ITGA9: variants seen among roughly 807,000 people sequenced by gnomAD.
ITGA9 encodes the protein integrin subunit alpha 9.
ITGA9 carries 56 observed loss-of-function variants against 127.8 expected under a neutral mutation model. That is an observed-to-expected ratio of 0.44 (90% CI 0.35 to 0.55). ITGA9 has a LOEUF of 0.55. ITGA9 is among the 20% of genes least tolerant of loss of function. The pLI, the probability that ITGA9 is intolerant of heterozygous loss-of-function variation, is 0.00. For missense variants in ITGA9, 1,196 were observed against 1,347.1 expected (o/e 0.89, Z 1.76); for synonymous variants, 508 against 514.5 (o/e 0.99, Z 0.17).
Position 37,629,345 on chromosome 3 carries a change from C to T in ITGA9, c.1839+9C>T. 1 of 1,613,888 alleles carries T rather than the reference C, an allele frequency of 6.2e-7. No individual in the cohort carries two copies. The highest frequency in any genetic ancestry group is 8.5e-7 in the Non-Finnish European group (1 of 1,179,944). ...TTGCCCAAAAGAATCAGGTCAGAAC[C>T]TTAAAGCTCATACTCAGCACCCAAG... On this transcript the variant is annotated intron_variant, in intron 16 of 27. Coordinates refer to ENST00000264741, the MANE Select transcript of ITGA9 (RefSeq NM_002207.3). This position sits in a 1 kb window ranked among gnomAD's most constrained non-coding sequence, Gnocchi z 4.5.
At chr3:37,636,111 T>C (rs1324216365) in intron 16 of ITGA9, among the ~76,000 whole-genome samples, 1 of 152,112 alleles carries the variant, frequency 6.6e-6, no homozygotes, top group Admixed American at 6.5e-5. Flanking sequence ...TGTGTCTTTA[T>C]AGCAGCATGA....
Position 37,777,524 on chromosome 3 carries a change from A to T in ITGA9, c.2667+7A>T, listed in dbSNP as rs1696923117. 12 of 1,614,058 alleles carry T rather than the reference A, an allele frequency of 7.4e-6. No homozygotes were observed. Among genetic ancestry groups the T allele is most frequent in the Non-Finnish European group, 1.0e-5 (12 of 1,179,976 alleles). On this transcript the variant is annotated splice_region_variant and intron_variant, in intron 24 of 27. Coordinates refer to ENST00000264741, the MANE Select transcript of ITGA9 (RefSeq NM_002207.3). ...GTCTGGAAGAAAAGTCTTGGTAAGG[A>T]TTTGTTTAGTGGTTGGGGTAACACG...
chr3:37,796,139 G>A (rs979533733), intron 26 of ITGA9, among the ~76,000 whole-genome samples: 1 of 151,902 alleles, frequency 6.6e-6, no homozygotes, highest in African/African-American at 2.4e-5. Flanking sequence ...TGCCAAAGGG[G>A]GTTTGCACAT....
chr3:37,626,368 C>G (rs922455183), intron 15 of ITGA9, among the ~76,000 whole-genome samples: 2 of 151,992 alleles, frequency 1.3e-5, no homozygotes, highest in East Asian at 3.8e-4. Flanking sequence ...GTCTATAAAA[C>G]GGGGGGCAAT....
At position 37,513,877 on chromosome 3, in the gene ITGA9, A is replaced by G; in HGVS notation, c.1012A>G (p.Thr338Ala). ...TGAGATCAGGGATGAGGGACAGGTC[A>G]CTGTCTACATCAACAGAGGAAATGT... ...FSEIRDEGQV[T>A]VYINRGNGAL... Residue 338 changes from threonine (T) to alanine (A), a missense_variant, in exon 9 of 28, where the codon ACT (threonine) becomes GCT (alanine). Transcript: ENST00000264741. The G allele has an allele frequency of 6.2e-7, 1 of 1,613,584 alleles. No homozygotes were observed. Among genetic ancestry groups the G allele is most frequent in the Non-Finnish European group, 8.5e-7 (1 of 1,180,024 alleles).
intron 15 of ITGA9, among the ~76,000 whole-genome samples, chr3:37,591,082 C>T (rs1699813300): frequency 6.6e-6 from 1 of 152,126 alleles, no homozygotes; most frequent in Non-Finnish European, 1.5e-5. Flanking sequence ...AGGAAACTTC[C>T]ATGCCACCCC....
intron 27 of ITGA9, among the ~76,000 whole-genome samples, chr3:37,813,252 C>T (rs1309927602): frequency 1.3e-5 from 2 of 152,286 alleles, no homozygotes; most frequent in South Asian, 2.1e-4. Flanking sequence ...GTCAGAAATG[C>T]ATTTAATACC....
intron 8 of ITGA9, among the ~76,000 whole-genome samples, chr3:37,512,005 TTTC>T (rs1338459055): frequency 2.5e-5 from 1 of 40,280 alleles, no homozygotes; most frequent in African/African-American, 6.4e-5. Flanking sequence ...TTTCTTTTCT[TTTC>T]TTTTCTTTTC....
chr3:37,681,169 A>G (rs1378049985), intron 17 of ITGA9, among the ~76,000 whole-genome samples: 3 of 152,206 alleles, frequency 2.0e-5, no homozygotes, highest in South Asian at 2.1e-4. Context: ...AGCTGTATTA[A>G]TGGTTGCAAA....
At chr3:37,618,058 T>C (rs1395687568) in intron 15 of ITGA9, among the ~76,000 whole-genome samples, 1 of 152,168 alleles carries the variant, frequency 6.6e-6, no homozygotes, top group South Asian at 2.1e-4. Context: ...GAGTTTCCAG[T>C]TTTTCTGCTC....
Position 37,700,870 on chromosome 3 carries a change from A to G in ITGA9, c.2067+16855A>G, listed in dbSNP as rs557554581. Among the ~76,000 whole-genome samples the G allele has an allele frequency of 2.6e-5, 4 of 152,336 alleles. No individual in the cohort carries two copies. The East Asian group carries it at 7.7e-4, about 29-fold the overall frequency. ...AAGTAGTGTTAAAAACTAGTAAACA[A>G]TGTAGGGGTTTGGAGAAAAATGCTA... On this transcript the variant is annotated intron_variant, in intron 18 of 27. Coordinates refer to ENST00000264741, the MANE Select transcript of ITGA9 (RefSeq NM_002207.3).
At chr3:37,487,098 G>A (rs1698617726) in intron 4 of ITGA9, among the ~76,000 whole-genome samples, 1 of 150,186 alleles carries the variant, frequency 6.7e-6, no homozygotes, top group African/African-American at 2.4e-5. Context: ...TTTTGTTTTT[G>A]TTTTGGAGAG....
intron 16 of ITGA9, among the ~76,000 whole-genome samples, chr3:37,637,464 G>GATT (rs1460382718): frequency 6.6e-6 from 1 of 152,116 alleles, no homozygotes; most frequent in Non-Finnish European, 1.5e-5. Context: ...GAATGCTTGT[G>GATT]ATTTTTGTAC....
chr3:37,529,631 G>A (rs927787701), intron 13 of ITGA9, among the ~76,000 whole-genome samples: 1 of 152,212 alleles, frequency 6.6e-6, no homozygotes, highest in Admixed American at 6.5e-5. Flanking sequence ...CCATTTTCTG[G>A]TCTCCCAAGT....
chr3:37,575,920 G>A, intron 15 of ITGA9, among the ~76,000 whole-genome samples: 1 of 152,154 alleles, frequency 6.6e-6, no homozygotes, highest in East Asian at 1.9e-4. Flanking sequence ...GTTTTAGGGG[G>A]GCTAATTTTA....
rs898925841 is a variant in ITGA9, at chr3:37,480,444, C to G, written c.421-1040C>G. 2.0e-5 allele frequency among the ~76,000 whole-genome samples: 3 copies of G among 152,188 alleles called. No individual in the cohort carries two copies. The South Asian group carries it at 6.2e-4, about 31-fold the overall frequency. ...CCCAAGACCCTTGGCCATGAACCTT[C>G]CTTCAGCTTTCTCCTCAGAGAGGCC... On this transcript the variant is annotated intron_variant, in intron 3 of 27. Coordinates refer to ENST00000264741, the MANE Select transcript of ITGA9 (RefSeq NM_002207.3).
At chr3:37,658,773 C>T (rs956452591) in intron 17 of ITGA9, among the ~76,000 whole-genome samples, 34 of 152,294 alleles carry the variant, frequency 2.2e-4, no homozygotes, top group African/African-American at 7.9e-4. Context: ...GCAGCTTCTT[C>T]ATAGTGTTGA....
At position 37,552,831 on chromosome 3, in the gene ITGA9, A is replaced by G. The variant is rs1699391585; in HGVS notation, c.1689+10246A>G. Reference sequence around the variant, plus strand: ...GGAGTTCAAGACCAGCCTGGCCAACATGGTGAAACCCCGTTTCTACTAAAA... The same window carrying G: ...GGAGTTCAAGACCAGCCTGGCCAACGTGGTGAAACCCCGTTTCTACTAAAA... On this transcript the variant is annotated intron_variant, in intron 15 of 27. Transcript: ENST00000264741. 3.3e-5 allele frequency among the ~76,000 whole-genome samples: 5 copies of G among 152,244 alleles called. No homozygotes were observed. The South Asian group carries it at 8.3e-4, about 25-fold the overall frequency.
intron 18 of ITGA9, among the ~76,000 whole-genome samples, chr3:37,692,750 C>T (rs955225939): frequency 9.2e-5 from 14 of 151,948 alleles, no homozygotes; most frequent in Non-Finnish European, 1.5e-4. Context: ...TACATAATAG[C>T]GAAGTTTAGA....
Sources: allele counts gnomAD v4.1 joint callset (sites outside exome capture counted in the v4.1 genomes callset), GRCh38; gene constraint gnomAD v4.1.1; non-coding constraint Gnocchi (gnomAD v3.1); transcripts MANE v1.5; gene names NCBI Gene and HGNC (gene_info 2026-07-23, HGNC 2026-07-21).